CDC42BPA: variants seen among roughly 807,000 people sequenced by gnomAD.
CDC42BPA encodes CDC42 binding protein kinase alpha.
A neutral mutation model predicts 223.5 loss-of-function variants in CDC42BPA; 80 were observed. That is an observed-to-expected ratio of 0.36 (90% confidence interval 0.30 to 0.43). The LOEUF (loss-of-function observed/expected upper bound fraction) is 0.43, where lower values mean the gene tolerates loss of function less well. Among genes scored for constraint, CDC42BPA ranks in the 20% least tolerant of loss-of-function variants. CDC42BPA has a pLI of 1.00. For missense variants in CDC42BPA, 1,743 were observed against 2,099.9 expected (o/e 0.83, Z 3.32); for synonymous variants, 694 against 718.6 (o/e 0.97, Z 0.55).
intron 1 of CDC42BPA, among the ~76,000 whole-genome samples, chr1:227,307,442 T>C (rs1692751710): frequency 6.6e-6 from 1 of 152,164 alleles, no homozygotes; most frequent in Non-Finnish European, 1.5e-5. Flanking sequence ...ATACCAGCAT[T>C]TCCCAAACTC....
At chr1:227,135,964 G>GCA (rs1356714682) in intron 10 of CDC42BPA, among the ~76,000 whole-genome samples, 1 of 149,926 alleles carries the variant, frequency 6.7e-6, no homozygotes, top group Non-Finnish European at 1.5e-5. Flanking sequence ...CCTCTCTGGG[G>GCA]CAAAAATAAT....
chr1:227,293,538 T>C (rs565454835), intron 1 of CDC42BPA, among the ~76,000 whole-genome samples: 1 of 137,216 alleles, frequency 7.3e-6, no homozygotes, highest in Non-Finnish European at 1.6e-5. Flanking sequence ...AAAAAAAAGA[T>C]CTATTGCTGG....
At chr1:227,207,690 T>C (rs1572367653) in intron 3 of CDC42BPA, among the ~76,000 whole-genome samples, 1 of 151,396 alleles carries the variant, frequency 6.6e-6, no homozygotes, top group African/African-American at 2.4e-5. Flanking sequence ...ACAAAGGACA[T>C]GAACTCATCA....
chr1:227,259,236 T>C (rs7542505), intron 1 of CDC42BPA, among the ~76,000 whole-genome samples: 1 of 150,672 alleles, frequency 6.6e-6, no homozygotes, highest in Admixed American at 6.6e-5. Flanking sequence ...TGAACCAATA[T>C]GGAAATCTGA....
intron 10 of CDC42BPA, among the ~76,000 whole-genome samples, chr1:227,139,079 G>T (rs1347072436): frequency 2.0e-5 from 3 of 152,140 alleles, no homozygotes; most frequent in African/African-American, 7.2e-5. Context: ...TATTACCATA[G>T]GATGGACTGG....
intron 1 of CDC42BPA, among the ~76,000 whole-genome samples, chr1:227,307,578 T>C (rs1692782591): frequency 6.6e-6 from 1 of 152,224 alleles, no homozygotes; most frequent in Non-Finnish European, 1.5e-5. Flanking sequence ...TGCTTTGTAA[T>C]ATCCAAAGAG....
At chr1:227,000,707 A>G (rs1048234746) in intron 35 of CDC42BPA, among the ~76,000 whole-genome samples, 4 of 152,202 alleles carry the variant, frequency 2.6e-5, no homozygotes, top group Non-Finnish European at 5.9e-5. Flanking sequence ...TATAGAGCAG[A>G]TAACTGAACT....
chr1:227,179,862 A>G (rs1667648743), intron 5 of CDC42BPA, among the ~76,000 whole-genome samples: 2 of 152,008 alleles, frequency 1.3e-5, no homozygotes. Context: ...ATCTAGTGTT[A>G]TTATGATTAA....
chr1:227,083,738 T>C (rs541885718), intron 16 of CDC42BPA, among the ~76,000 whole-genome samples: 3 of 152,270 alleles, frequency 2.0e-5, no homozygotes, highest in East Asian at 1.9e-4. Flanking sequence ...AGAGTAAAGA[T>C]AGATCAAAGA....
chr1:227,116,794 C>A (rs1297678229), intron 12 of CDC42BPA, among the ~76,000 whole-genome samples: 1 of 151,982 alleles, frequency 6.6e-6, no homozygotes, highest in Non-Finnish European at 1.5e-5. Flanking sequence ...AGTGAGAAAA[C>A]TAAGAGATTT....
intron 34 of CDC42BPA, among the ~76,000 whole-genome samples, chr1:227,011,444 A>C (rs1420463529): frequency 6.6e-6 from 1 of 152,218 alleles, no homozygotes; most frequent in Admixed American, 6.5e-5. Flanking sequence ...GAACATGAAC[A>C]AGTGAACCTA....
chr1:227,147,183 T>C lies in CDC42BPA; in HGVS notation c.894+176A>G, dbSNP rs570297279. ...CATCTCTAATAAAATACAAGAAAAT[T>C]AGAACTAATAACTTATGAATAATTT... is the stretch of plus-strand genomic sequence containing the variant. On this transcript the variant is annotated intron_variant, in intron 7 of 36. Transcript: ENST00000366766. Among the ~76,000 whole-genome samples the C allele has an allele frequency of 5.3e-5, 8 of 152,270 alleles. No individual in the cohort carries two copies. In the South Asian group the frequency reaches 1.7e-3, roughly 32 times the overall value.
rs1572585256 is a variant in CDC42BPA, at chr1:227,242,650, A to G, written c.270+11414T>C. On this transcript the variant is annotated intron_variant, in intron 2 of 36. Coordinates refer to ENST00000366766, the MANE Select transcript of CDC42BPA (RefSeq NM_001394014.1). The stretch of plus-strand genomic sequence containing the variant: ...AAAACTATCCTTTACTAGCTTACTA[A>G]AAAACATCAGACTCAAAAAAATTAA... Among the ~76,000 whole-genome samples, 3 of 152,280 alleles carry G rather than the reference A, an allele frequency of 2.0e-5. No homozygotes were observed. The East Asian group carries it at 5.8e-4, about 29-fold the overall frequency.
chr1:227,162,867 T>TGTGTGTGTGTG (rs1664184074), intron 5 of CDC42BPA, among the ~76,000 whole-genome samples: 1 of 40,214 alleles, frequency 2.5e-5, no homozygotes, highest in Non-Finnish European at 5.0e-5. Flanking sequence ...AATAAATATA[T>TGTGTGTGTGTG]ATGTGTGTGT....
At chr1:227,133,511 TG>T (rs1445590046) in intron 10 of CDC42BPA, among the ~76,000 whole-genome samples, 1 of 152,030 alleles carries the variant, frequency 6.6e-6, no homozygotes, top group Non-Finnish European at 1.5e-5. Context: ...GGCGGTTTTG[TG>T]GAATAGAAAG....
Position 227,030,309 on chromosome 1 carries a change from A to G in CDC42BPA, c.3838+99T>C, listed in dbSNP as rs1400073873. The G allele has an allele frequency of 7.0e-6, 5 of 717,824 alleles. No homozygotes were observed. The African/African-American group carries it at 7.4e-5, about 11-fold the overall frequency. 44.5% of individuals were successfully genotyped at this position (717,824 alleles called of 1,614,324 possible). ...CTGGAAAATTTTAGTCGCAGGATAA[A>G]TAAGAGCAAATCCTGCTCTTTGTAG... is the stretch of plus-strand genomic sequence containing the variant. On this transcript the variant is annotated intron_variant, in intron 29 of 36. Coordinates refer to ENST00000366766, the MANE Select transcript of CDC42BPA (RefSeq NM_001394014.1).
intron 35 of CDC42BPA, among the ~76,000 whole-genome samples, chr1:227,001,391 G>A (rs1432542803): frequency 6.6e-6 from 1 of 152,114 alleles, no homozygotes; most frequent in Non-Finnish European, 1.5e-5. Flanking sequence ...ATGCGTTAAG[G>A]GCCTTGACAA....
At chr1:227,229,721 C>A (rs181312171) in intron 2 of CDC42BPA, among the ~76,000 whole-genome samples, 72 of 152,260 alleles carry the variant, frequency 4.7e-4, no homozygotes, top group African/African-American at 1.7e-3. Context: ...TGCTGCCGGG[C>A]ATAAAGTCTT....
intron 1 of CDC42BPA, among the ~76,000 whole-genome samples, chr1:227,307,481 A>G (rs1290471476): frequency 1.3e-5 from 2 of 152,072 alleles, no homozygotes; most frequent in Non-Finnish European, 2.9e-5. Context: ...AGGAGTTCCA[A>G]TGTTAAATTA....
Sources: allele counts gnomAD v4.1 joint callset (sites outside exome capture counted in the v4.1 genomes callset), GRCh38; gene constraint gnomAD v4.1.1; transcripts MANE v1.5; gene names NCBI Gene and HGNC (gene_info 2026-07-23, HGNC 2026-07-21).